Variants in CSMD1 observed in about 807,000 individuals in gnomAD.
The protein encoded by CSMD1 is CUB and Sushi multiple domains 1.
A neutral mutation model predicts 417.5 loss-of-function variants in CSMD1; 213 were observed. The ratio of observed to expected loss-of-function variants is 0.51; its 90% CI spans 0.46 to 0.57. The LOEUF is 0.57. Among genes scored for constraint, CSMD1 ranks in the 20% least tolerant of loss-of-function variants. The pLI is 0.00. For synonymous variants in CSMD1, 2,862 were observed against 1,736.8 expected, an observed-to-expected ratio of 1.65 and a Z score of -16.11; for missense variants, 6,923 against 4,529.7, an observed-to-expected ratio of 1.53 and a Z score of -15.17.
At chr8:4,359,567 T>A (rs1801632665) in intron 3 of CSMD1, among the ~76,000 whole-genome samples, 1 of 152,212 alleles carries the variant, frequency 6.6e-6, no homozygotes, top group South Asian at 2.1e-4. Flanking sequence ...AGCCCTGTGT[T>A]CCTTGGAGAT....
rs530844313 is a variant in CSMD1, at chr8:3,425,393, T to C, written c.1562-15788A>G. 3.3e-5 allele frequency among the ~76,000 whole-genome samples: 5 copies of C among 151,886 alleles called. 1 individual carries two copies. Among genetic ancestry groups the C allele is most frequent in the African/African-American group, 1.2e-4 (5 of 41,426 alleles). On this transcript the variant is annotated intron_variant, in intron 12 of 69. Coordinates refer to ENST00000635120, the MANE Select transcript of CSMD1 (RefSeq NM_033225.6). The stretch of plus-strand genomic sequence containing the variant: ...TCACGAGGTCAAGAGATCCAGACCA[T>C]CGTGGCCAACATGGTGAAACCCTGT...
intron 3 of CSMD1, among the ~76,000 whole-genome samples, chr8:4,140,366 C>T (rs184450988): frequency 6.6e-6 from 1 of 150,940 alleles, no homozygotes; most frequent in South Asian, 2.1e-4. Flanking sequence ...GGAATGGTGG[C>T]ACATGCCTGT....
At chr8:4,246,014 T>TTTG (rs985256563) in intron 3 of CSMD1, among the ~76,000 whole-genome samples, 8 of 152,102 alleles carry the variant, frequency 5.3e-5, no homozygotes, top group Non-Finnish European at 1.0e-4. Flanking sequence ...AGGTCAGTTA[T>TTTG]TTGTTGTTGT....
intron 1 of CSMD1, among the ~76,000 whole-genome samples, chr8:4,873,527 G>C (rs750776592): frequency 3.3e-5 from 5 of 152,086 alleles, no homozygotes; most frequent in African/African-American, 4.8e-5. Flanking sequence ...CTTGTGTGTA[G>C]TATCTTAACA....
chr8:3,768,950 G>T (rs1329496520), intron 5 of CSMD1, among the ~76,000 whole-genome samples: 5 of 152,342 alleles, frequency 3.3e-5, no homozygotes, highest in South Asian at 2.1e-4. Flanking sequence ...TGTTCCGATG[G>T]AAGGTGAATG....
At chr8:2,987,823 CT>C (rs770976129) in intron 54 of CSMD1, among the ~76,000 whole-genome samples, 5 of 152,202 alleles carry the variant, frequency 3.3e-5, no homozygotes, top group Non-Finnish European at 7.4e-5. Flanking sequence ...ACCTCCTGCT[CT>C]TGACAAGCTC....
chr8:3,236,139 C>T lies in CSMD1; in HGVS notation c.4154-5908G>A, dbSNP rs180796600. ...TTCACCATGTTAGCCAGGAGAGTCT[C>T]GATCTCTTAACCTTGTGATCTGCCT... On this transcript the variant is annotated intron_variant, in intron 26 of 69. Transcript: ENST00000635120. Among the ~76,000 whole-genome samples, 917 of 151,922 alleles carry T rather than the reference C, an allele frequency of 6.0e-3. 4 individuals carry two copies. Among genetic ancestry groups the T allele is most frequent in the Non-Finnish European group, 0.011 (715 of 67,988 alleles).
intron 3 of CSMD1, among the ~76,000 whole-genome samples, chr8:4,058,968 C>T (rs1412817510): frequency 1.3e-5 from 2 of 151,984 alleles, no homozygotes; most frequent in East Asian, 1.9e-4. Context: ...GAACTCTCCA[C>T]CCCAAATCAA....
At chr8:4,449,922 C>G (rs542451247) in intron 2 of CSMD1, among the ~76,000 whole-genome samples, 1 of 152,280 alleles carries the variant, frequency 6.6e-6, no homozygotes, top group South Asian at 2.1e-4. Context: ...GGCACCATGC[C>G]CAATACACAG....
At chr8:3,293,456 G>C (rs1016509070) in intron 25 of CSMD1, among the ~76,000 whole-genome samples, 1 of 152,122 alleles carries the variant, frequency 6.6e-6, no homozygotes, top group South Asian at 2.1e-4. Flanking sequence ...GTCACTTTTA[G>C]GTACACCAAT....
intron 5 of CSMD1, among the ~76,000 whole-genome samples, chr8:3,784,847 T>C (rs540875994): frequency 1.3e-5 from 2 of 152,218 alleles, no homozygotes; most frequent in Non-Finnish European, 2.9e-5. Flanking sequence ...ACTCATCCAA[T>C]GAAATCATCA....
rs142148827 is a variant in CSMD1 at position 3,799,582 on chromosome 8, A to G, written c.819-45540T>C. On this transcript the variant is annotated intron_variant, in intron 5 of 69. Coordinates refer to ENST00000635120, the MANE Select transcript of CSMD1 (RefSeq NM_033225.6). The stretch of plus-strand genomic sequence containing the variant: ...AAAACCTTATCATTTGAAACTGAAT[A>G]CATCAACTTTTCATTGGTACAGTAA... Among the ~76,000 whole-genome samples the G allele has an allele frequency of 2.8e-3, 425 of 151,910 alleles. 2 individuals are homozygous for G. Among genetic ancestry groups the G allele is most frequent in the African/African-American group, 9.5e-3 (393 of 41,418 alleles).
chr8:4,220,411 G>C (rs1800956933), intron 3 of CSMD1, among the ~76,000 whole-genome samples: 1 of 152,198 alleles, frequency 6.6e-6, no homozygotes, highest in Non-Finnish European at 1.5e-5. Flanking sequence ...TTAGTGTTTA[G>C]CAGTATGCGA....
chr8:4,150,400 T>C (rs1420001882), intron 3 of CSMD1, among the ~76,000 whole-genome samples: 2 of 152,206 alleles, frequency 1.3e-5, no homozygotes, highest in Non-Finnish European at 2.9e-5. Context: ...GGAAGTAATG[T>C]GGACTCTCTT....
At chr8:4,563,429 A>G (rs1294986302) in intron 2 of CSMD1, among the ~76,000 whole-genome samples, 1 of 152,066 alleles carries the variant, frequency 6.6e-6, no homozygotes, top group Non-Finnish European at 1.5e-5. Flanking sequence ...ATAATAAAAT[A>G]AAATTAAAAC....
intron 54 of CSMD1, among the ~76,000 whole-genome samples, chr8:2,995,115 C>A (rs936982455): frequency 1.7e-4 from 26 of 152,250 alleles, no homozygotes; most frequent in South Asian, 6.2e-4. Context: ...AAACGAGAGA[C>A]TGGGAAAAAT....
chr8:3,064,327 G>C (rs1812778730), intron 49 of CSMD1, among the ~76,000 whole-genome samples: 1 of 152,160 alleles, frequency 6.6e-6, no homozygotes, highest in Non-Finnish European at 1.5e-5. Context: ...TGGTGAGTGA[G>C]TTCTCAGGAG....
chr8:4,250,016 C>A (rs1317024574), intron 3 of CSMD1, among the ~76,000 whole-genome samples: 1 of 152,068 alleles, frequency 6.6e-6, no homozygotes, highest in South Asian at 2.1e-4. Context: ...GTCATAAGGG[C>A]TCTGTACCCA....
At chr8:4,565,749 CAT>C (rs58696547) in intron 2 of CSMD1, among the ~76,000 whole-genome samples, 1,220 of 117,694 alleles carry the variant, frequency 0.01, 6 homozygotes, top group African/African-American at 0.023. Context: ...AAAATATATA[CAT>C]ATATATATAT....
Sources: allele counts gnomAD v4.1 joint callset (sites outside exome capture counted in the v4.1 genomes callset), GRCh38; gene constraint gnomAD v4.1.1; transcripts MANE v1.5; gene names NCBI Gene and HGNC (gene_info 2026-07-23, HGNC 2026-07-21).